The following SUMF1 variants were observed in gnomAD, a reference collection of about 807,000 sequenced individuals.
The protein encoded by SUMF1 is sulfatase modifying factor 1.
In SUMF1, 48 loss-of-function variants were observed where a neutral mutation model predicts 47.6. That is an observed-to-expected ratio of 1.01 (90% CI 0.80 to 1.28). The LOEUF (loss-of-function observed/expected upper bound fraction) is 1.28. Ranked by LOEUF, SUMF1 falls within the 50% of genes most tolerant of loss-of-function variation. The pLI is 0.00. For missense variants in SUMF1, 571 were observed against 485.4 expected (o/e 1.18, Z -1.66); for synonymous variants, 230 against 192.1 (o/e 1.20, Z -1.63).
intron 8 of SUMF1, among the ~76,000 whole-genome samples, chr3:4,220,986 A>G (rs1696047798): frequency 6.6e-6 from 1 of 152,276 alleles, no homozygotes; most frequent in South Asian, 2.1e-4. Context: ...TGGCTTAGCT[A>G]CTTAACTGTC....
intron 8 of SUMF1, among the ~76,000 whole-genome samples, chr3:4,145,298 T>C (rs1421461113): frequency 1.3e-5 from 2 of 151,996 alleles, no homozygotes; most frequent in East Asian, 1.9e-4. Context: ...AGCAGAGTGC[T>C]TGAAATTACT....
chr3:4,162,540 T>C (rs768434376), intron 8 of SUMF1, among the ~76,000 whole-genome samples: 10 of 152,178 alleles, frequency 6.6e-5, no homozygotes, highest in Non-Finnish European at 1.2e-4. Flanking sequence ...GCTTCCTCCG[T>C]GGACATCAGC....
At chr3:4,148,027 CACATT>C (rs1694236096) in intron 8 of SUMF1, among the ~76,000 whole-genome samples, 1 of 152,086 alleles carries the variant, frequency 6.6e-6, no homozygotes, top group African/African-American at 2.4e-5. Context: ...CTTCCTTTGG[CACATT>C]TTAAAAAAAT....
At chr3:4,184,653 T>A (rs1246451464) in intron 8 of SUMF1, among the ~76,000 whole-genome samples, 1 of 26,278 alleles carries the variant, frequency 3.8e-5, no homozygotes, top group Non-Finnish European at 8.0e-5. Context: ...TTCCCTGGAT[T>A]TTTTTTTTTT....
At chr3:4,167,843 G>A (rs939214030) in intron 8 of SUMF1, among the ~76,000 whole-genome samples, 1 of 152,172 alleles carries the variant, frequency 6.6e-6, no homozygotes, top group Non-Finnish European at 1.5e-5. Flanking sequence ...GATACAGGAG[G>A]AAGATAGAGC....
intron 7 of SUMF1, among the ~76,000 whole-genome samples, chr3:4,404,478 C>T (rs576036272): frequency 7.1e-6 from 1 of 140,360 alleles, no homozygotes; most frequent in East Asian, 1.9e-4. Flanking sequence ...TGTGAGTGGG[C>T]CAGGTGCAGT....
chr3:4,169,240 G>A (rs1454767881), intron 8 of SUMF1, among the ~76,000 whole-genome samples: 1 of 152,014 alleles, frequency 6.6e-6, no homozygotes, highest in African/African-American at 2.4e-5. Context: ...AGGTTGAATT[G>A]TGTTCCTCAA....
At chr3:4,277,632 C>T (rs575527402) in intron 8 of SUMF1, among the ~76,000 whole-genome samples, 1 of 152,140 alleles carries the variant, frequency 6.6e-6, no homozygotes, top group African/African-American at 2.4e-5. Context: ...ATAATCTTTA[C>T]ATCTAGGAGG....
chr3:4,165,120 A>G (rs752306271), intron 8 of SUMF1, among the ~76,000 whole-genome samples: 18 of 152,058 alleles, frequency 1.2e-4, no homozygotes, highest in Non-Finnish European at 2.4e-4. Context: ...CTGTCATTCT[A>G]TCATTTACTT....
intron 8 of SUMF1, among the ~76,000 whole-genome samples, chr3:4,292,812 G>C (rs114400664): frequency 0.013 from 1,910 of 152,152 alleles, 45 homozygotes; most frequent in African/African-American, 0.044. Context: ...TGCTCTTTGG[G>C]GGAAAACTTT....
chr3:4,338,452 T>A (rs182115548), intron 8 of SUMF1, among the ~76,000 whole-genome samples: 162 of 152,316 alleles, frequency 1.1e-3, no homozygotes, highest in South Asian at 2.3e-3. Flanking sequence ...TTGGAAGTAG[T>A]TCTGGTTGAA....
chr3:4,420,284 C>A (rs1280778065), intron 3 of SUMF1, 138 bp from the exon 4 acceptor site: 1 of 715,296 alleles, frequency 1.4e-6, no homozygotes, highest in South Asian at 1.5e-5. Flanking sequence ...GCCAGAATAC[C>A]AAAATAAAGA....
chr3:4,130,813 A>T (rs1237904809), intron 8 of SUMF1, among the ~76,000 whole-genome samples: 1 of 152,164 alleles, frequency 6.6e-6, no homozygotes, highest in Non-Finnish European at 1.5e-5. Context: ...CGAGTGATCC[A>T]AAGGCTACCA....
At chr3:4,258,967 C>A (rs1272031887) in intron 8 of SUMF1, among the ~76,000 whole-genome samples, 1 of 148,650 alleles carries the variant, frequency 6.7e-6, no homozygotes, top group Non-Finnish European at 1.5e-5. Context: ...TTTGTAGGGA[C>A]ATGGATGAAA....
chr3:4,354,556 C>T (rs774162721), intron 8 of SUMF1, among the ~76,000 whole-genome samples: 4 of 152,142 alleles, frequency 2.6e-5, no homozygotes, highest in Admixed American at 6.5e-5. Context: ...TGGGACAGAC[C>T]GACCGCGCAG....
intron 8 of SUMF1, among the ~76,000 whole-genome samples, chr3:4,234,677 C>T (rs1224457549): frequency 1.3e-5 from 2 of 152,030 alleles, no homozygotes; most frequent in African/African-American, 4.8e-5. Context: ...CTATTCCAGA[C>T]TTTAGTGTTA....
chr3:4,168,006 T>G (rs1022267101), intron 8 of SUMF1, among the ~76,000 whole-genome samples: 2 of 152,188 alleles, frequency 1.3e-5, no homozygotes, highest in African/African-American at 4.8e-5. Context: ...GTCCAGAGTC[T>G]TATACATGCA....
intron 8 of SUMF1, among the ~76,000 whole-genome samples, chr3:4,229,072 T>G (rs1442180657): frequency 1.3e-5 from 2 of 152,104 alleles, no homozygotes; most frequent in African/African-American, 4.8e-5. Context: ...GCAATTTAGA[T>G]GAAAACGGCA....
chr3:4,415,544 G>A (rs1005107392), intron 6 of SUMF1, among the ~76,000 whole-genome samples: 1 of 152,174 alleles, frequency 6.6e-6, no homozygotes, highest in African/African-American at 2.4e-5. Context: ...CAGGTGCGGT[G>A]GCTCATGCCT....
Sources: allele counts gnomAD v4.1 joint callset (sites outside exome capture counted in the v4.1 genomes callset), GRCh38; gene constraint gnomAD v4.1.1; transcripts MANE v1.5; gene names NCBI Gene and HGNC (gene_info 2026-07-23, HGNC 2026-07-21).